HR: variants seen among roughly 807,000 people sequenced by gnomAD.
HR encodes lysine-specific demethylase hairless.
A neutral mutation model predicts 128.6 loss-of-function variants in HR; 83 were observed. The ratio of observed to expected loss-of-function variants is 0.65; its 90% CI spans 0.54 to 0.77. The LOEUF (loss-of-function observed/expected upper bound fraction) is 0.77, where lower values mean the gene tolerates loss of function less well. Among genes scored for constraint, HR ranks in the 30% least tolerant of loss-of-function variants. The probability of loss-of-function intolerance (pLI) is 0.00; values close to 1 mark genes in which losing one functional copy is unlikely to be tolerated. For missense variants in HR, 1,490 were observed against 1,574.6 expected, an observed-to-expected ratio of 0.95 and a Z score of 0.91; for synonymous variants, 681 against 658.2, an observed-to-expected ratio of 1.03 and a Z score of -0.53.
chr8:22,128,351 C>A (rs57612456), intron 2 of HR: 1 of 667,776 alleles, frequency 1.5e-6, no homozygotes. Context: ...TGCAATGACC[C>A]GAGGGCAGGG....
chr8:22,121,499 G>C (rs1826751774), intron 9 of HR, 114 bp downstream of exon 9: 4 of 1,120,548 alleles, frequency 3.6e-6, no homozygotes, highest in Non-Finnish European at 4.1e-6. Context: ...AGATTATTGG[G>C]GGTGGGGGGG....
chr8:22,122,549 G>GC lies in HR; in HGVS notation c.2064dup (p.His689AlafsTer7). 1.2e-6 allele frequency: 2 copies of GC among 1,612,126 alleles called. No individual in the cohort carries two copies. Among genetic ancestry groups the GC allele is most frequent in the Non-Finnish European group, 1.7e-6 (2 of 1,179,540 alleles). Reference sequence around the variant, plus strand: ...CGGGCATCAGCTTGGCAGGGGCAGTGCCCCCGGATATCAAACTTGACCCAG... The same window carrying GC: ...CGGGCATCAGCTTGGCAGGGGCAGTGCCCCCCGGATATCAAACTTGACCCAG... On this transcript the variant is annotated frameshift_variant, in exon 8 of 19. Coordinates refer to ENST00000381418, the MANE Select transcript of HR (RefSeq NM_005144.5). LOFTEE classifies it high-confidence loss of function.
intron 9 of HR, 37 bp from the exon 10 acceptor site, chr8:22,121,265 G>C (rs750084580): frequency 1.2e-6 from 2 of 1,608,912 alleles, no homozygotes; most frequent in East Asian, 4.5e-5. Flanking sequence ...CTTCGCGTTT[G>C]GTCCCTCCTC....
chr8:22,119,535 A>G (rs1434012592), intron 14 of HR, among the ~76,000 whole-genome samples: 2 of 151,314 alleles, frequency 1.3e-5, no homozygotes, highest in Admixed American at 1.3e-4. Context: ...TGAACCTGGG[A>G]GGCGGAGGTT....
Position 22,128,681 on chromosome 8 carries a change from G to T in HR, c.490C>A (p.Pro164Thr). The T allele has an allele frequency of 6.3e-7, 1 of 1,585,180 alleles. No individual in the cohort carries two copies. Among genetic ancestry groups the T allele is most frequent in the Non-Finnish European group, 8.6e-7 (1 of 1,166,126 alleles). Residue 164 changes from proline to threonine, a missense_variant, in exon 2 of 19, where the codon CCA (proline) becomes ACA (threonine). Around this residue, in one of 3 missense-constraint regions of HR, gnomAD observed 1,060 missense variants for 1,060.9 expected, o/e 1.00. Transcript: ENST00000381418. ...RAPFWVPTCLPPYLVSGLPPE... is the reference protein window; with the variant it reads ...RAPFWVPTCLTPYLVSGLPPE... ...GGCAGGCCAGACACTAGGTAGGGTG[G>T]CAAGCAGGTGGGCACCCAGAAGGGA...
intron 9 of HR, 139 bp from the exon 10 acceptor site, chr8:22,121,367 C>T: frequency 8.5e-7 from 1 of 1,173,756 alleles, no homozygotes; most frequent in South Asian, 1.5e-5. Flanking sequence ...CTCAGCTCTG[C>T]TCTGGGTCTC....
chr8:22,127,019 C>T lies in HR; in HGVS notation c.1405+18G>A. On this transcript the variant is annotated intron_variant, in intron 3 of 18. Coordinates refer to ENST00000381418, the MANE Select transcript of HR (RefSeq NM_005144.5). ...CCCCCTCCCACGCAGGGCCTGCAGC[C>T]CCTCCTGGCCCCCTTACCTTTCTGC... The T allele has an allele frequency of 1.2e-6, 2 of 1,608,174 alleles. No individual in the cohort carries two copies. The highest frequency in any genetic ancestry group is 1.7e-6 in the Non-Finnish European group (2 of 1,177,818).
At position 22,119,019 on chromosome 8, in the gene HR, G is replaced by A; in HGVS notation, c.3144C>T (p.Ser1048=). 6.2e-7 allele frequency: 1 copy of A among 1,613,210 alleles called. No individual in the cohort carries two copies. Among genetic ancestry groups the A allele is most frequent in the Non-Finnish European group, 8.5e-7 (1 of 1,179,964 alleles). Reference sequence around the variant, plus strand: ...ACACGTGCCACACAGTGCTGACCTGGCTGCCCGGAGACCAGAGCCCCTCCC... The same window carrying A: ...ACACGTGCCACACAGTGCTGACCTGACTGCCCGGAGACCAGAGCCCCTCCC... ...LDGEGLWSPG[S]QVSTVWHVFR... is the part of the protein sequence containing the mutation. Residue 1048 remains serine, a synonymous_variant, in exon 16 of 19, where the codon AGC becomes AGT. Coordinates refer to ENST00000381418, the MANE Select transcript of HR (RefSeq NM_005144.5).
intron 8 of HR, 113 bp from the exon 9 acceptor site, chr8:22,121,807 T>C: frequency 9.1e-7 from 1 of 1,099,040 alleles, no homozygotes; most frequent in Non-Finnish European, 1.4e-6. Flanking sequence ...CCTAAAATCG[T>C]GTTTATAGGA....
intron 6 of HR, 32 bp downstream of exon 6, chr8:22,123,617 T>TGGGGGGCCCCCCCCCCCCCC: frequency 3.4e-6 from 1 of 292,092 alleles, no homozygotes; most frequent in Non-Finnish European, 6.2e-6. Flanking sequence ...GAGGGCTCCA[T>TGGGGGGCCCCCCCCCCCCCC]CCCGCCCTCC....
In HR at chr8:22,116,009, C is replaced by T. The variant is rs1285819091; in HGVS notation, c.3508-247G>A. On this transcript the variant is annotated intron_variant, in intron 18 of 18. Coordinates refer to ENST00000381418, the MANE Select transcript of HR (RefSeq NM_005144.5). The surrounding 1 kb of genome is among the most constrained non-coding windows in gnomAD (Gnocchi z 4.2). ...ATTTAACCAGGCATGGTGGTGGGCG[C>T]CTGTAGTCCCAGCTACTTGGGAGGC... Among the ~76,000 whole-genome samples, 1 of 152,146 alleles carries T rather than the reference C, an allele frequency of 6.6e-6. No individual in the cohort carries two copies. Among genetic ancestry groups the T allele is most frequent in the African/African-American group, 2.4e-5 (1 of 41,410 alleles).
intron 16 of HR, 156 bp downstream of exon 16, chr8:22,118,794 G>T: frequency 1.5e-6 from 1 of 650,418 alleles, no homozygotes; most frequent in Non-Finnish European, 2.7e-6. Context: ...GGTCCCCTCT[G>T]CCTTCTCTGC....
In HR at chr8:22,120,914, C is replaced by G. The variant is rs758753031; in HGVS notation, c.2412G>C (p.Val804=). The change falls in exon 11 of 19, where the codon GTG becomes GTC. Residue 804 remains valine, a synonymous_variant. Coordinates refer to ENST00000381418, the MANE Select transcript of HR (RefSeq NM_005144.5). ...CTTTCTCCTGGATCTTCCGTTCCACCACCTGTGCGATAATGCTGTCCAGGA... is the reference window on the plus strand; with the variant it reads ...CTTTCTCCTGGATCTTCCGTTCCACGACCTGTGCGATAATGCTGTCCAGGA... ...TNILDSIIAQ[V]VERKIQEKAL... is the part of the protein sequence containing the mutation. 224 of 1,565,996 alleles carry G rather than the reference C, an allele frequency of 1.4e-4. 4 individuals are homozygous for G. The East Asian group carries it at 5.2e-3, about 36-fold the overall frequency.
In HR at chr8:22,117,031, C is replaced by G; in HGVS notation, c.3222G>C (p.Pro1074=). 6.7e-7 allele frequency: 1 copy of G among 1,503,054 alleles called. No individual in the cohort carries two copies. The highest frequency in any genetic ancestry group is 8.8e-7 in the Non-Finnish European group (1 of 1,132,326). 93.1% of individuals were successfully genotyped at this position (1,503,054 alleles called of 1,614,324 possible). A position where few individuals can be genotyped will look rare whatever the true frequency, so the allele number is the denominator to read the frequency against. The part of the protein sequence containing the change: ...RIRRFLQMVC[P]AGAGALEPGA... ...CAGGCTCCAGGGCGCCTGCCCCGGC[C>G]GGGCACACCTCAAAGAAGAGAAGGG... The change falls in exon 17 of 19, where the codon CCG becomes CCC. Residue 1074 remains proline (P), a synonymous_variant. Coordinates refer to ENST00000381418, the MANE Select transcript of HR (RefSeq NM_005144.5).
At chr8:22,129,430 G>A (rs1826993070) in intron 1 of HR, among the ~76,000 whole-genome samples, 4 of 152,208 alleles carry the variant, frequency 2.6e-5, no homozygotes. Flanking sequence ...ATTCCACCTG[G>A]GCCAGTGCCC....
At chr8:22,122,639 T>C (rs1826784812) in intron 7 of HR, 31 bp from the exon 8 acceptor site, 2 of 1,563,514 alleles carry the variant, frequency 1.3e-6, no homozygotes, top group Non-Finnish European at 1.7e-6. Flanking sequence ...GAGAGGGAGG[T>C]TGGTGGTGAG....
rs1826738515 is a variant in HR at position 22,121,082 on chromosome 8, T to A, written c.2350A>T (p.Thr784Ser). The A allele has an allele frequency of 1.2e-6, 2 of 1,613,554 alleles. No homozygotes were observed. Among genetic ancestry groups the A allele is most frequent in the African/African-American group, 2.7e-5 (2 of 74,998 alleles). ...TCACTCACACTGGGCAGGGCCGGAG[T>A]GACGGGGGCGAAGGCCATGTGTATT... ...ERIHMAFAPV[T>S]PALPSDDRIT... Residue 784 changes from threonine to serine, a missense_variant, in exon 10 of 19, where the codon ACT (threonine) becomes TCT (serine). Physicochemically the swap from Thr to Ser is moderately conservative, Grantham distance 58. Around this residue, in one of 3 missense-constraint regions of HR, gnomAD observed 1,060 missense variants for 1,060.9 expected, o/e 1.00. Coordinates refer to ENST00000381418, the MANE Select transcript of HR (RefSeq NM_005144.5).
rs1826807506 is a variant in HR, at chr8:22,123,577, G to A, written c.1915+72C>T. 21 of 1,446,432 alleles carry A rather than the reference G, an allele frequency of 1.5e-5. No individual in the cohort carries two copies. The East Asian group carries it at 1.5e-4, about 10-fold the overall frequency. 89.6% of individuals were successfully genotyped at this position (1,446,432 alleles called of 1,614,324 possible). On this transcript the variant is annotated intron_variant, in intron 6 of 18. Coordinates refer to ENST00000381418, the MANE Select transcript of HR (RefSeq NM_005144.5). ...GGCTTTTTGGGGAGAGGCAGCCAAC[G>A]AATGACCACAGGCTTGCAGCAGTCC...
In HR at chr8:22,119,289, T is replaced by C. The variant is rs1162835220; in HGVS notation, c.2978-6A>G. On this transcript the variant is annotated splice_polypyrimidine_tract_variant and splice_region_variant and intron_variant, in intron 14 of 18. Transcript: ENST00000381418. ...TCCCCGGTGCGGGCTCACACCTGCA[T>C]GGCAATAGAGAAAGAACAGTTAGAA... The C allele has an allele frequency of 3.1e-6, 5 of 1,613,282 alleles. No homozygotes were observed. The African/African-American group carries it at 4.0e-5, about 13-fold the overall frequency.
Sources: allele counts gnomAD v4.1 joint callset (sites outside exome capture counted in the v4.1 genomes callset), GRCh38; gene constraint gnomAD v4.1.1; regional missense constraint gnomAD v4.1.1; non-coding constraint Gnocchi (gnomAD v3.1); transcripts MANE v1.5; gene names NCBI Gene and HGNC (gene_info 2026-07-23, HGNC 2026-07-21).